Variants in PRDM5 observed in about 807,000 individuals in gnomAD.
PRDM5 encodes the protein PR domain zinc finger protein 5.
Under a neutral mutation model 81.2 loss-of-function variants are expected in PRDM5, and 56 were observed. That is an observed-to-expected ratio of 0.69 (90% CI 0.56 to 0.86). The LOEUF (loss-of-function observed/expected upper bound fraction) is 0.86, where lower values mean the gene tolerates loss of function less well. PRDM5 is among the 40% of genes least tolerant of loss of function. The pLI is 0.00. For synonymous variants in PRDM5, 267 were observed against 256.4 expected, an observed-to-expected ratio of 1.04 and a Z score of -0.39; for missense variants, 697 against 770.1, an observed-to-expected ratio of 0.91 and a Z score of 1.12.
At chr4:120,788,944 T>G (rs1750159709) in intron 10 of PRDM5, among the ~76,000 whole-genome samples, 1 of 152,224 alleles carries the variant, frequency 6.6e-6, no homozygotes, top group Non-Finnish European at 1.5e-5. Flanking sequence ...AATAGAGAAC[T>G]TCTGTCTCCA....
chr4:120,870,816 G>A (rs1172962537), intron 2 of PRDM5, among the ~76,000 whole-genome samples: 1 of 152,164 alleles, frequency 6.6e-6, no homozygotes, highest in African/African-American at 2.4e-5. Flanking sequence ...TCAGCAGTCA[G>A]GACAGAGTTT....
At chr4:120,903,916 A>G (rs955540378) in intron 2 of PRDM5, among the ~76,000 whole-genome samples, 8 of 152,100 alleles carry the variant, frequency 5.3e-5, no homozygotes, top group Non-Finnish European at 1.5e-5. Context: ...CTGGCTGGGC[A>G]TGGTGACTCA....
At chr4:120,713,673 G>A (rs1737335757) in intron 14 of PRDM5, among the ~76,000 whole-genome samples, 1 of 152,078 alleles carries the variant, frequency 6.6e-6, no homozygotes, top group Admixed American at 6.6e-5. Context: ...ATCTCCTACT[G>A]AATAATACAG....
In PRDM5 at chr4:120,908,674, G is replaced by A. The variant is rs145129795; in HGVS notation, c.94-1117C>T. Among the ~76,000 whole-genome samples, 887 of 152,328 alleles carry A rather than the reference G, an allele frequency of 5.8e-3. 3 individuals are homozygous for A. The highest frequency in any genetic ancestry group is 8.5e-3 in the Non-Finnish European group (580 of 68,032). On this transcript the variant is annotated intron_variant, in intron 1 of 15. Coordinates refer to ENST00000264808, the MANE Select transcript of PRDM5 (RefSeq NM_018699.4). Reference sequence around the variant, plus strand: ...GAGCCAGGAAGACCATTTCTTTAATGTTAACTTAGGGGCAGAAAATACCCA... The same window carrying A: ...GAGCCAGGAAGACCATTTCTTTAATATTAACTTAGGGGCAGAAAATACCCA...
intron 10 of PRDM5, among the ~76,000 whole-genome samples, chr4:120,789,689 A>G (rs1010547548): frequency 6.6e-6 from 1 of 152,216 alleles, no homozygotes; most frequent in Non-Finnish European, 1.5e-5. Context: ...GGATGTTTAC[A>G]AGGTCTGTGG....
chr4:120,750,687 TACAC>T (rs56024428), intron 14 of PRDM5, among the ~76,000 whole-genome samples: 4,771 of 147,512 alleles, frequency 0.032, 96 homozygotes, highest in Non-Finnish European at 0.043. Context: ...TAGTTTCTTT[TACAC>T]ACACACACAC....
chr4:120,891,596 T>C (rs1764048056), intron 2 of PRDM5, among the ~76,000 whole-genome samples: 1 of 152,166 alleles, frequency 6.6e-6, no homozygotes, highest in South Asian at 2.1e-4. Flanking sequence ...TGCTTTTGTT[T>C]CTCTAGTTTT....
chr4:120,855,786 C>T (rs1759809478), intron 2 of PRDM5, among the ~76,000 whole-genome samples: 1 of 152,150 alleles, frequency 6.6e-6, no homozygotes, highest in Non-Finnish European at 1.5e-5. Flanking sequence ...AAATCTATAA[C>T]TGTTACTGAA....
intron 2 of PRDM5, among the ~76,000 whole-genome samples, chr4:120,903,875 T>C (rs1426938366): frequency 6.6e-6 from 1 of 152,118 alleles, no homozygotes; most frequent in African/African-American, 2.4e-5. Flanking sequence ...GCCCCAGCCA[T>C]ATGGAACTGT....
At chr4:120,793,948 A>C (rs1312361640) in intron 10 of PRDM5, among the ~76,000 whole-genome samples, 4 of 152,058 alleles carry the variant, frequency 2.6e-5, no homozygotes, top group African/African-American at 9.7e-5. Context: ...TAAATAAAAA[A>C]ATAAGTAAAA....
intron 14 of PRDM5, among the ~76,000 whole-genome samples, chr4:120,713,287 A>T (rs1483973242): frequency 6.6e-6 from 1 of 152,086 alleles, no homozygotes; most frequent in African/African-American, 2.4e-5. Context: ...TGCCTGCTAT[A>T]CTCATCTTTT....
chr4:120,857,432 T>C (rs903772451), intron 2 of PRDM5, among the ~76,000 whole-genome samples: 4 of 152,202 alleles, frequency 2.6e-5, no homozygotes, highest in African/African-American at 9.6e-5. Context: ...TGCTTCAATA[T>C]AATTGTTCAT....
intron 2 of PRDM5, among the ~76,000 whole-genome samples, chr4:120,856,458 C>A (rs1273167064): frequency 6.6e-6 from 1 of 152,188 alleles, no homozygotes; most frequent in East Asian, 1.9e-4. Flanking sequence ...CTGGGGCCTG[C>A]CTGTTTTCTC....
intron 10 of PRDM5, among the ~76,000 whole-genome samples, chr4:120,785,433 C>T (rs189287646): frequency 3.3e-5 from 5 of 152,088 alleles, no homozygotes; most frequent in African/African-American, 7.2e-5. Context: ...CTAAGCCTCC[C>T]CTATCACTGG....
chr4:120,741,874 C>T (rs183365160), intron 14 of PRDM5, among the ~76,000 whole-genome samples: 2,960 of 152,292 alleles, frequency 0.019, 91 homozygotes, highest in African/African-American at 0.066. Context: ...ATTGCCCAGG[C>T]TTGCTTAGGT....
intron 3 of PRDM5, among the ~76,000 whole-genome samples, chr4:120,843,555 G>A (rs769522952): frequency 2.0e-5 from 3 of 151,732 alleles, no homozygotes; most frequent in South Asian, 2.1e-4. Flanking sequence ...ATTTAAAAAA[G>A]TAGATGGGCA....
At chr4:120,878,269 A>G (rs530798428) in intron 2 of PRDM5, among the ~76,000 whole-genome samples, 22 of 152,280 alleles carry the variant, frequency 1.4e-4, no homozygotes, top group African/African-American at 4.8e-4. Flanking sequence ...ATAAATAAAT[A>G]AATAAGCTGA....
At chr4:120,845,747 C>G (rs764434753) in intron 3 of PRDM5, among the ~76,000 whole-genome samples, 1 of 152,198 alleles carries the variant, frequency 6.6e-6, no homozygotes, top group African/African-American at 2.4e-5. Flanking sequence ...CTTCATAAGG[C>G]TATTGCTGTC....
At chr4:120,840,015 G>A (rs1054181817) in intron 3 of PRDM5, among the ~76,000 whole-genome samples, 1 of 152,210 alleles carries the variant, frequency 6.6e-6, no homozygotes, top group Non-Finnish European at 1.5e-5. Context: ...ACAGCTGGGA[G>A]AAGCCAGGGA....
Sources: allele counts gnomAD v4.1 joint callset (sites outside exome capture counted in the v4.1 genomes callset), GRCh38; gene constraint gnomAD v4.1.1; transcripts MANE v1.5; gene names NCBI Gene and HGNC (gene_info 2026-07-23, HGNC 2026-07-21).